The following SMARCD3 variants were observed in gnomAD, a reference collection of about 807,000 sequenced individuals.
SMARCD3 encodes SWI/SNF-related matrix-associated actin-dependent regulator of chromatin subfamily D member 3.
SMARCD3 carries 14 observed loss-of-function variants against 58.0 expected under a neutral mutation model. The ratio of observed to expected loss-of-function variants is 0.24; its 90% confidence interval spans 0.16 to 0.38. The LOEUF (loss-of-function observed/expected upper bound fraction) is 0.38. SMARCD3 is among the 10% of genes least tolerant of loss of function. The pLI, the probability that SMARCD3 is intolerant of heterozygous loss-of-function variation, is 1.00. For missense variants in SMARCD3, 408 were observed against 636.9 expected (o/e 0.64, Z 3.87); for synonymous variants, 253 against 253.8 (o/e 1.00, Z 0.03).
intron 2 of SMARCD3, among the ~76,000 whole-genome samples, chr7:151,257,827 C>A (rs1286096577): frequency 2.0e-5 from 3 of 152,118 alleles, no homozygotes; most frequent in Non-Finnish European, 4.4e-5. Context: ...TCGGAGATCT[C>A]ATCATTTTTG....
intron 1 of SMARCD3, among the ~76,000 whole-genome samples, chr7:151,276,502 T>C (rs952536830): frequency 1.1e-5 from 1 of 94,544 alleles, no homozygotes; most frequent in Non-Finnish European, 2.1e-5. Flanking sequence ...GGAGGGAGGA[T>C]AGGAAGGTAC....
Position 151,239,236 on chromosome 7 carries a change from G to T in SMARCD3, c.1399-80C>A. 1 of 1,488,836 alleles carries T rather than the reference G, an allele frequency of 6.7e-7. No homozygotes were observed. The highest frequency in any genetic ancestry group is 9.4e-7 in the Non-Finnish European group (1 of 1,066,326). 92.2% of individuals were successfully genotyped at this position (1,488,836 alleles called of 1,614,324 possible). A position where few individuals can be genotyped will look rare whatever the true frequency, so the allele number is the denominator to read the frequency against. On this transcript the variant is annotated intron_variant, in intron 12 of 12. Coordinates refer to ENST00000262188, the MANE Select transcript of SMARCD3 (RefSeq NM_001003801.2). The surrounding 1 kb of genome is among the most constrained non-coding windows in gnomAD (Gnocchi z 7.0). Reference sequence around the variant, plus strand: ...ACAATCCCACCTACTGACACCGCCTGCCCTGAAAGAGCATCTGGGAGCAGG... The same window carrying T: ...ACAATCCCACCTACTGACACCGCCTTCCCTGAAAGAGCATCTGGGAGCAGG...
intron 2 of SMARCD3, among the ~76,000 whole-genome samples, chr7:151,254,752 G>A (rs981142674): frequency 2.0e-5 from 3 of 152,168 alleles, no homozygotes; most frequent in African/African-American, 4.8e-5. Flanking sequence ...GTGGCCCAGC[G>A]TCCTGCCCCT....
chr7:151,251,241 T>G (rs565515444), upstream of SMARCD3, among the ~76,000 whole-genome samples: 2 of 151,876 alleles, frequency 1.3e-5, no homozygotes, highest in East Asian at 3.9e-4. Flanking sequence ...ACATAAGCGC[T>G]CTCCTGAGCC....
upstream of SMARCD3, among the ~76,000 whole-genome samples, chr7:151,252,169 G>T (rs909399948): frequency 6.6e-5 from 10 of 152,254 alleles, no homozygotes; most frequent in African/African-American, 2.4e-4. Flanking sequence ...GTCCCACCAC[G>T]GGGACTCCGC....
chr7:151,244,647 C>T (rs1257016246), intron 2 of SMARCD3, among the ~76,000 whole-genome samples: 1 of 152,172 alleles, frequency 6.6e-6, no homozygotes, highest in African/African-American at 2.4e-5. Context: ...TACAAAATGA[C>T]GATGCACTTT....
At position 151,239,086 on chromosome 7, in the gene SMARCD3, T is replaced by A. The variant is rs1387176401; in HGVS notation, c.*17A>T. 1 of 1,613,808 alleles carries A rather than the reference T, an allele frequency of 6.2e-7. No individual in the cohort carries two copies. The highest frequency in any genetic ancestry group is 8.5e-7 in the Non-Finnish European group (1 of 1,179,672). On this transcript the variant is annotated 3_prime_UTR_variant, in exon 13 of 13. Transcript: ENST00000262188. The surrounding 1 kb of genome is among the most constrained non-coding windows in gnomAD (Gnocchi z 7.0). ...GACACGGCTGAAAGTTCCGTCGTGC[T>A]GCTTATTTTTGGGCTCCTAGGTGTT...
At position 151,242,003 on chromosome 7, in the gene SMARCD3, C is replaced by T. The variant is rs1803014798; in HGVS notation, c.676-25G>A. 1 of 1,596,258 alleles carries T rather than the reference C, an allele frequency of 6.3e-7. No homozygotes were observed. Among genetic ancestry groups the T allele is most frequent in the South Asian group, 1.1e-5 (1 of 90,414 alleles). The stretch of plus-strand genomic sequence containing the variant: ...ACTGTCCAGGAGAGAAGAGCTGTGT[C>T]TCCCAAAGGCCCATCTGGAGTGGTG... On this transcript the variant is annotated intron_variant, in intron 6 of 12. Transcript: ENST00000262188. The surrounding 1 kb of genome is among the most constrained non-coding windows in gnomAD (Gnocchi z 4.7).
upstream of SMARCD3, among the ~76,000 whole-genome samples, chr7:151,250,866 A>G (rs921193213): frequency 2.0e-5 from 3 of 152,092 alleles, no homozygotes; most frequent in African/African-American, 7.2e-5. Flanking sequence ...TAATGAGCCA[A>G]TGCATGGAGC....
In SMARCD3 at chr7:151,242,931, C is replaced by T; in HGVS notation, c.334-88G>A. 1 of 1,506,570 alleles carries T rather than the reference C, an allele frequency of 6.6e-7. No homozygotes were observed. Among genetic ancestry groups the T allele is most frequent in the East Asian group, 2.3e-5 (1 of 44,096 alleles). 93.3% of individuals were successfully genotyped at this position (1,506,570 alleles called of 1,614,324 possible). Reference sequence around the variant, plus strand: ...ATGCATGTTGTGCAATCCTAGGGTACAAAAGATGTCAGGGGAGCCATCCTA... The same window carrying T: ...ATGCATGTTGTGCAATCCTAGGGTATAAAAGATGTCAGGGGAGCCATCCTA... On this transcript the variant is annotated intron_variant, in intron 3 of 12. Transcript: ENST00000262188. The surrounding 1 kb of genome is among the most constrained non-coding windows in gnomAD (Gnocchi z 4.7).
upstream of SMARCD3, among the ~76,000 whole-genome samples, chr7:151,251,093 G>A (rs1803494687): frequency 6.6e-6 from 1 of 152,090 alleles, no homozygotes. Flanking sequence ...CTCCAGTTTG[G>A]GTAGCTGGGA....
Position 151,242,100 on chromosome 7 carries a change from G to GCCT in SMARCD3, c.675+36_675+37insAGG, listed in dbSNP as rs1563650061. The GCCT allele has an allele frequency of 6.4e-7, 1 of 1,556,708 alleles. No homozygotes were observed. The highest frequency in any genetic ancestry group is 1.7e-5 in the Admixed American group (1 of 59,904). On this transcript the variant is annotated intron_variant, in intron 6 of 12. Transcript: ENST00000262188. The surrounding 1 kb of genome is among the most constrained non-coding windows in gnomAD (Gnocchi z 4.7). ...CTTCAGGGATTCTGGCCTGTGGGAG[G>GCCT]GTGGCAATTCAAGGGCGGAGGGGCT...
upstream of SMARCD3, among the ~76,000 whole-genome samples, chr7:151,250,902 T>C (rs1050948650): frequency 2.0e-5 from 3 of 152,140 alleles, no homozygotes; most frequent in African/African-American, 4.8e-5. Flanking sequence ...TACCTGATGG[T>C]GTGAGTTACC....
upstream of SMARCD3, among the ~76,000 whole-genome samples, chr7:151,251,943 T>C (rs1224052659): frequency 1.4e-5 from 2 of 145,488 alleles, no homozygotes; most frequent in Non-Finnish European, 3.0e-5. Context: ...GCGCCGCCCC[T>C]CCCTCCGCCC....
chr7:151,239,690 T>A lies in SMARCD3; in HGVS notation c.1230A>T (p.Leu410=). The change falls in exon 11 of 13, where the codon CTA becomes CTT. Residue 410 remains leucine, a synonymous_variant. Transcript: ENST00000262188. The surrounding 1 kb of genome is among the most constrained non-coding windows in gnomAD (Gnocchi z 7.0). ...NQLKIQRDFM[L]SFSRDPKGYV... ...AGCCTTTGGGGTCTCTGGAGAAGCTTAGCATGAAGTCCCTCTGGATCTTGA... is the reference window on the plus strand; with the variant it reads ...AGCCTTTGGGGTCTCTGGAGAAGCTAAGCATGAAGTCCCTCTGGATCTTGA... 6.2e-7 allele frequency: 1 copy of A among 1,613,978 alleles called. No individual in the cohort carries two copies. Among genetic ancestry groups the A allele is most frequent in the Non-Finnish European group, 8.5e-7 (1 of 1,179,934 alleles).
chr7:151,248,684 T>G lies in SMARCD3; in HGVS notation c.-122A>C. 3 of 1,422,742 alleles carry G rather than the reference T, an allele frequency of 2.1e-6. No homozygotes were observed. Among genetic ancestry groups the G allele is most frequent in the Admixed American group, 2.4e-5 (1 of 42,042 alleles). The allele number at this position is 1,422,742 out of a possible 1,614,324, so 88.1% of individuals were successfully genotyped here. ...CTGCTGGGCTCTCTCACACTTCTAC[T>G]CGAGCGGAGTGGGGAGGGGGCCCCT... On this transcript the variant is annotated 5_prime_UTR_variant, in exon 1 of 13. Transcript: ENST00000262188. This position sits in a 1 kb window ranked among gnomAD's most constrained non-coding sequence, Gnocchi z 6.1.
In SMARCD3 at chr7:151,239,058, C is replaced by G. The variant is rs762144139; in HGVS notation, c.*45G>C. 10 of 1,600,330 alleles carry G rather than the reference C, an allele frequency of 6.2e-6. No homozygotes were observed. Among genetic ancestry groups the G allele is most frequent in the Non-Finnish European group, 8.6e-6 (10 of 1,167,486 alleles). ...GAGCCCGGGGCAAAATGCTGGGGCC[C>G]GGGACACGGCTGAAAGTTCCGTCGT... is the stretch of plus-strand genomic sequence containing the variant. On this transcript the variant is annotated 3_prime_UTR_variant, in exon 13 of 13. Coordinates refer to ENST00000262188, the MANE Select transcript of SMARCD3 (RefSeq NM_001003801.2). The surrounding 1 kb of genome is among the most constrained non-coding windows in gnomAD (Gnocchi z 7.0).
intron 2 of SMARCD3, among the ~76,000 whole-genome samples, chr7:151,260,724 C>T (rs1322632786): frequency 2.6e-5 from 4 of 152,174 alleles, no homozygotes; most frequent in African/African-American, 7.2e-5. Context: ...CCTCACCTTG[C>T]CTTCCTGGTG....
chr7:151,239,075 T>C lies in SMARCD3; in HGVS notation c.*28A>G. 1 of 1,612,868 alleles carries C rather than the reference T, an allele frequency of 6.2e-7. No homozygotes were observed. Among genetic ancestry groups the C allele is most frequent in the South Asian group, 1.1e-5 (1 of 91,064 alleles). ...CTGGGGCCCGGGACACGGCTGAAAG[T>C]TCCGTCGTGCTGCTTATTTTTGGGC... On this transcript the variant is annotated 3_prime_UTR_variant, in exon 13 of 13. Transcript: ENST00000262188. The surrounding 1 kb of genome is among the most constrained non-coding windows in gnomAD (Gnocchi z 7.0).
Sources: gnomAD v4.1 joint callset for allele counts (sites outside exome capture counted in the v4.1 genomes callset) on GRCh38, gnomAD v4.1.1 for gene constraint, Gnocchi (gnomAD v3.1) non-coding constraint, MANE v1.5 for transcripts, NCBI Gene and HGNC (gene_info 2026-07-23, HGNC 2026-07-21) for gene names.